The following CPNE4 variants were observed in gnomAD, a reference collection of about 807,000 sequenced individuals.
CPNE4 encodes the protein copine 4.
A neutral mutation model predicts 67.9 loss-of-function variants in CPNE4; 25 were observed. That is an observed-to-expected ratio of 0.37 (90% confidence interval 0.27 to 0.51). The LOEUF is 0.51. Among genes scored for constraint, CPNE4 ranks in the 20% least tolerant of loss-of-function variants. The pLI is 0.93. For synonymous variants in CPNE4, 242 were observed against 244.9 expected, an observed-to-expected ratio of 0.99 and a Z score of 0.11; for missense variants, 464 against 690.8, an observed-to-expected ratio of 0.67 and a Z score of 3.68.
At chr3:131,678,800 G>C (rs1553751752) in intron 6 of CPNE4, among the ~76,000 whole-genome samples, 1 of 152,058 alleles carries the variant, frequency 6.6e-6, no homozygotes, top group Non-Finnish European at 1.5e-5. Context: ...TGGTGGATAA[G>C]CTTTTTGATG....
At chr3:131,834,614 A>G in intron 2 of CPNE4, among the ~76,000 whole-genome samples, 1 of 152,166 alleles carries the variant, frequency 6.6e-6, no homozygotes, top group East Asian at 1.9e-4. Context: ...CTTTTCACAA[A>G]AAAATAAAAA....
chr3:131,732,988 A>G (rs192887077), intron 2 of CPNE4, among the ~76,000 whole-genome samples: 86 of 152,356 alleles, frequency 5.6e-4, no homozygotes, highest in African/African-American at 1.9e-3. Flanking sequence ...TTTACTGAGC[A>G]ATGGGTATGC....
intron 2 of CPNE4, among the ~76,000 whole-genome samples, chr3:131,807,090 C>G (rs2084344070): frequency 6.6e-6 from 1 of 152,132 alleles, no homozygotes; most frequent in African/African-American, 2.4e-5. Flanking sequence ...GTTTAGAGAT[C>G]AGGAACCAGT....
intron 3 of CPNE4, among the ~76,000 whole-genome samples, chr3:131,709,255 A>C (rs1583057679): frequency 6.6e-6 from 1 of 152,064 alleles, no homozygotes; most frequent in South Asian, 2.1e-4. Flanking sequence ...TCCTACAAAT[A>C]ATGCAATGGA....
intron 1 of CPNE4, among the ~76,000 whole-genome samples, chr3:131,999,282 A>T (rs924415060): frequency 6.9e-6 from 1 of 143,952 alleles, no homozygotes; most frequent in Non-Finnish European, 1.5e-5. Context: ...TCTGTACACA[A>T]ATGTGTATGA....
At chr3:131,702,987 G>A (rs1164413706) in intron 3 of CPNE4, among the ~76,000 whole-genome samples, 3 of 152,156 alleles carry the variant, frequency 2.0e-5, no homozygotes, top group African/African-American at 7.2e-5. Flanking sequence ...TCAGGGTTTT[G>A]AATTTTTCAT....
At chr3:131,762,661 T>C (rs1560261662) in intron 2 of CPNE4, among the ~76,000 whole-genome samples, 1 of 152,078 alleles carries the variant, frequency 6.6e-6, no homozygotes, top group Non-Finnish European at 1.5e-5. Context: ...CTGAGCAATA[T>C]TAAGTAAGAA....
Position 131,980,377 on chromosome 3 carries a change from G to C in CPNE4, c.-2+54190C>G, listed in dbSNP as rs142217341. Among the ~76,000 whole-genome samples, 7 of 152,184 alleles carry C rather than the reference G, an allele frequency of 4.6e-5. No individual in the cohort carries two copies. In the East Asian group the frequency reaches 1.3e-3, roughly 29 times the overall value. The stretch of plus-strand genomic sequence containing the variant: ...TAACATAATCCCAGACTTCCTGGAG[G>C]TTTTGTTCATATTTTCTTATTCTTT... On this transcript the variant is annotated intron_variant, in intron 1 of 15. Coordinates refer to ENST00000429747, the MANE Select transcript of CPNE4 (RefSeq NM_130808.3).
chr3:131,830,474 C>T (rs2085322466), intron 2 of CPNE4, among the ~76,000 whole-genome samples: 1 of 152,088 alleles, frequency 6.6e-6, no homozygotes, highest in Non-Finnish European at 1.5e-5. Context: ...CCCTACACTA[C>T]AACTACTCAG....
upstream of CPNE4, among the ~76,000 whole-genome samples, chr3:132,036,081 A>G (rs572280094): frequency 6.6e-6 from 1 of 152,356 alleles, no homozygotes; most frequent in African/African-American, 2.4e-5. Flanking sequence ...AGACAGAAAT[A>G]TCTTTGATAA....
chr3:131,688,774 A>G (rs2107684834), intron 5 of CPNE4, among the ~76,000 whole-genome samples: 1 of 152,330 alleles, frequency 6.6e-6, no homozygotes, highest in Middle Eastern at 3.4e-3. Flanking sequence ...AAGAAGGAAA[A>G]AAGAACCCAT....
At chr3:131,757,022 G>T (rs776954224) in intron 2 of CPNE4, among the ~76,000 whole-genome samples, 12 of 152,180 alleles carry the variant, frequency 7.9e-5, no homozygotes, top group Non-Finnish European at 1.5e-4. Flanking sequence ...ATGTGGAACT[G>T]TAAGTCCAAT....
chr3:131,737,917 C>A (rs1215328919), intron 2 of CPNE4, among the ~76,000 whole-genome samples: 2 of 152,020 alleles, frequency 1.3e-5, no homozygotes, highest in Admixed American at 1.3e-4. Flanking sequence ...CAAAATGATT[C>A]CAATTAGCAA....
At chr3:131,939,967 C>T (rs929536477) in intron 1 of CPNE4, among the ~76,000 whole-genome samples, 2 of 152,112 alleles carry the variant, frequency 1.3e-5, no homozygotes, top group African/African-American at 4.8e-5. Flanking sequence ...TGCCCTAAGT[C>T]ACACAGCCAG....
intron 2 of CPNE4, among the ~76,000 whole-genome samples, chr3:131,860,173 C>A (rs2086616746): frequency 6.6e-6 from 1 of 152,094 alleles, no homozygotes; most frequent in South Asian, 2.1e-4. Flanking sequence ...CATCACACAA[C>A]AAAGCATGAA....
intron 2 of CPNE4, among the ~76,000 whole-genome samples, chr3:131,792,125 T>C (rs747336207): frequency 6.6e-6 from 1 of 152,150 alleles, no homozygotes; most frequent in Non-Finnish European, 1.5e-5. Context: ...TAGATTTGGC[T>C]ACTATAACAT....
chr3:131,546,005 T>A (rs968698208), intron 14 of CPNE4, among the ~76,000 whole-genome samples: 7 of 152,124 alleles, frequency 4.6e-5, no homozygotes, highest in African/African-American at 1.7e-4. Context: ...GAGGTTGCAG[T>A]GAGCTGCCAC....
At chr3:131,591,195 C>G (rs1338741610) in intron 7 of CPNE4, among the ~76,000 whole-genome samples, 1 of 152,080 alleles carries the variant, frequency 6.6e-6, no homozygotes, top group Non-Finnish European at 1.5e-5. Flanking sequence ...GTTTCTGGGC[C>G]CTTGTATTTG....
chr3:131,756,412 G>A (rs943023528), intron 2 of CPNE4, among the ~76,000 whole-genome samples: 1 of 152,178 alleles, frequency 6.6e-6, no homozygotes, highest in Non-Finnish European at 1.5e-5. Context: ...ACTATCTAGA[G>A]CCTGAATCTG....
Sources: gnomAD v4.1 joint callset for allele counts (sites outside exome capture counted in the v4.1 genomes callset) on GRCh38, gnomAD v4.1.1 for gene constraint, MANE v1.5 for transcripts, NCBI Gene and HGNC (gene_info 2026-07-23, HGNC 2026-07-21) for gene names.